ENAH: variants seen among roughly 807,000 people sequenced by gnomAD.
ENAH encodes ENAH actin regulator.
In ENAH, 23 loss-of-function variants were observed where a neutral mutation model predicts 78.7. The observed-to-expected ratio is 0.29, with a 90% confidence interval of 0.21 to 0.41. The LOEUF is 0.41. Among genes scored for constraint, ENAH ranks in the 10% least tolerant of loss-of-function variants. The pLI is 1.00. For missense variants in ENAH, 544 were observed against 691.0 expected, an observed-to-expected ratio of 0.79 and a Z score of 2.39; for synonymous variants, 226 against 241.0, an observed-to-expected ratio of 0.94 and a Z score of 0.58.
intron 1 of ENAH, among the ~76,000 whole-genome samples, chr1:225,582,675 A>T (rs1340021170): frequency 2.0e-5 from 3 of 152,238 alleles, no homozygotes; most frequent in Non-Finnish European, 2.9e-5. Flanking sequence ...TCTCTGGATG[A>T]TCCCTGATCT....
chr1:225,505,767 A>G (rs2096323490), intron 11 of ENAH, among the ~76,000 whole-genome samples: 1 of 152,212 alleles, frequency 6.6e-6, no homozygotes, highest in Non-Finnish European at 1.5e-5. Flanking sequence ...CCTATATATC[A>G]GTAGTTGGAT....
chr1:225,500,934 G>T, intron 12 of ENAH, 58 bp downstream of exon 12: 1 of 1,460,740 alleles, frequency 6.8e-7, no homozygotes, highest in Non-Finnish European at 9.6e-7. Flanking sequence ...TATGCATATG[G>T]GATATTTTTT....
intron 3 of ENAH, among the ~76,000 whole-genome samples, chr1:225,534,559 T>C (rs1467187985): frequency 1.3e-5 from 2 of 152,008 alleles, no homozygotes; most frequent in African/African-American, 2.4e-5. Flanking sequence ...AAATTCTGAG[T>C]CACATAAAGT....
intron 4 of ENAH, among the ~76,000 whole-genome samples, chr1:225,521,112 T>A (rs2096465046): frequency 6.6e-6 from 1 of 152,126 alleles, no homozygotes; most frequent in Non-Finnish European, 1.5e-5. Context: ...TTATTTTCCA[T>A]GAGTGCATAA....
At chr1:225,540,830 T>C (rs2096585364) in intron 3 of ENAH, among the ~76,000 whole-genome samples, 1 of 152,148 alleles carries the variant, frequency 6.6e-6, no homozygotes, top group Non-Finnish European at 1.5e-5. Flanking sequence ...TAAGAGCCAG[T>C]AACTAAAACT....
intron 3 of ENAH, among the ~76,000 whole-genome samples, chr1:225,534,011 G>A (rs1045585010): frequency 2.0e-5 from 3 of 152,090 alleles, no homozygotes; most frequent in Non-Finnish European, 4.4e-5. Flanking sequence ...CAACTTTAAA[G>A]ATTCACCTTC....
chr1:225,613,749 A>C (rs1476144896), intron 1 of ENAH, among the ~76,000 whole-genome samples: 1 of 152,184 alleles, frequency 6.6e-6, no homozygotes, highest in Non-Finnish European at 1.5e-5. Context: ...TGGGGAAAAA[A>C]ACAGTGTTTT....
intron 1 of ENAH, among the ~76,000 whole-genome samples, chr1:225,572,000 TG>T (rs986914169): frequency 5.9e-5 from 9 of 152,276 alleles, no homozygotes; most frequent in African/African-American, 1.9e-4. Context: ...AAATGTGGGT[TG>T]GGTGGTTTCA....
chr1:225,628,768 G>A (rs999457139), intron 1 of ENAH, among the ~76,000 whole-genome samples: 14 of 151,892 alleles, frequency 9.2e-5, no homozygotes, highest in African/African-American at 2.7e-4. Context: ...ATAGCCGGGC[G>A]TGGTGGTGCA....
At chr1:225,553,827 A>G (rs763383989) in intron 3 of ENAH, among the ~76,000 whole-genome samples, 1 of 152,234 alleles carries the variant, frequency 6.6e-6, no homozygotes, top group African/African-American at 2.4e-5. Flanking sequence ...CAACCTATGT[A>G]TAAGTTATGT....
intron 3 of ENAH, among the ~76,000 whole-genome samples, chr1:225,546,787 A>G (rs1012994630): frequency 6.6e-6 from 1 of 152,172 alleles, no homozygotes; most frequent in Non-Finnish European, 1.5e-5. Context: ...GCCCAAAGAA[A>G]CTGTATTTAT....
intron 1 of ENAH, among the ~76,000 whole-genome samples, chr1:225,637,190 T>C (rs1660212532): frequency 1.3e-5 from 2 of 150,254 alleles, no homozygotes; most frequent in South Asian, 4.2e-4. Context: ...CTTCAGTAGA[T>C]TTTTTTTTTG....
intron 1 of ENAH, among the ~76,000 whole-genome samples, chr1:225,603,288 A>G (rs1193755755): frequency 2.0e-5 from 3 of 152,130 alleles, no homozygotes; most frequent in East Asian, 3.8e-4. Flanking sequence ...TTAAAAGCTC[A>G]AAAGTTTAAC....
At chr1:225,586,695 G>GT (rs751300367) in intron 1 of ENAH, among the ~76,000 whole-genome samples, 37 of 152,054 alleles carry the variant, frequency 2.4e-4, no homozygotes, top group Non-Finnish European at 5.9e-5. Context: ...GTAATTCACC[G>GT]TAACAGAATA....
chr1:225,512,544 T>C, intron 9 of ENAH, 113 bp downstream of exon 9: 1 of 1,086,188 alleles, frequency 9.2e-7, no homozygotes, highest in Non-Finnish European at 1.3e-6. Context: ...AATTAGCAAA[T>C]ATAAGTTCAA....
intron 1 of ENAH, among the ~76,000 whole-genome samples, chr1:225,590,221 C>T (rs895064279): frequency 6.6e-6 from 1 of 151,990 alleles, no homozygotes; most frequent in Non-Finnish European, 1.5e-5. Context: ...TGGTGGCTCA[C>T]GCCTATAATC....
At chr1:225,642,209 GAAA>G (rs1238636547) in intron 1 of ENAH, among the ~76,000 whole-genome samples, 1 of 83,292 alleles carries the variant, frequency 1.2e-5, no homozygotes. Flanking sequence ...TCCATCTCAG[GAAA>G]AAAAAAAAAA....
At position 225,495,790 on chromosome 1, in the gene ENAH, TTGA is replaced by T. The variant is rs1170385302; in HGVS notation, c.*1982_*1984del. On this transcript the variant is annotated 3_prime_UTR_variant, in exon 14 of 14. Coordinates refer to ENST00000366843, the MANE Select transcript of ENAH (RefSeq NM_018212.6). ...AATACTTAATAAGCTTGCTGCATCT[TTGA>T]TGTTTTTACTACTACTGCATGACAA... is the stretch of plus-strand genomic sequence containing the variant. 2.6e-5 allele frequency: 4 copies of T among 152,586 alleles called. No homozygotes were observed. The highest frequency in any genetic ancestry group is 4.1e-4 in the South Asian group (2 of 4,826). The allele number at this position is 152,586 out of a possible 1,614,324, so 9.5% of individuals were successfully genotyped here. A position where few individuals can be genotyped will look rare whatever the true frequency, so the allele number is the denominator to read the frequency against.
chr1:225,616,425 T>C (rs1655704953), intron 1 of ENAH, among the ~76,000 whole-genome samples: 1 of 151,954 alleles, frequency 6.6e-6, no homozygotes, highest in Admixed American at 6.6e-5. Flanking sequence ...CAATATTAAA[T>C]AATGTTGAGA....
Sources: allele counts gnomAD v4.1 joint callset (sites outside exome capture counted in the v4.1 genomes callset), GRCh38; gene constraint gnomAD v4.1.1; transcripts MANE v1.5; gene names NCBI Gene and HGNC (gene_info 2026-07-23, HGNC 2026-07-21).